STK3: variants seen among roughly 807,000 people sequenced by gnomAD.
STK3 encodes the protein serine/threonine kinase 3, also known as serine/threonine-protein kinase 3.
In STK3, 41 loss-of-function variants were observed where a neutral mutation model predicts 58.0. That is an observed-to-expected ratio of 0.71 (90% CI 0.55 to 0.92). The LOEUF (loss-of-function observed/expected upper bound fraction) is 0.92. Ranked by LOEUF, STK3 falls within the 40% of genes least tolerant of loss-of-function variation. The probability of loss-of-function intolerance (pLI) is 0.00; values close to 1 mark genes in which losing one functional copy is unlikely to be tolerated. For missense variants in STK3, 479 were observed against 602.7 expected (o/e 0.79, Z 2.15); for synonymous variants, 170 against 191.0 (o/e 0.89, Z 0.91).
At chr8:98,495,492 A>T (rs1342560139) in intron 10 of STK3, among the ~76,000 whole-genome samples, 1 of 152,152 alleles carries the variant, frequency 6.6e-6, no homozygotes, top group Non-Finnish European at 1.5e-5. Context: ...GAGTCTCACT[A>T]GAGATGGATA....
chr8:98,639,986 C>A (rs1423475148), intron 6 of STK3, among the ~76,000 whole-genome samples: 1 of 152,132 alleles, frequency 6.6e-6, no homozygotes, highest in African/African-American at 2.4e-5. Context: ...TGGTGTATGC[C>A]TGCAATCCCA....
intron 3 of STK3, among the ~76,000 whole-genome samples, chr8:98,858,400 C>T (rs897448920): frequency 7.0e-5 from 10 of 142,628 alleles, no homozygotes; most frequent in Non-Finnish European, 1.2e-4. Context: ...AACTCCTGAC[C>T]TCGTGATCCA....
intron 7 of STK3, among the ~76,000 whole-genome samples, chr8:98,586,385 A>G (rs1814596636): frequency 6.6e-6 from 1 of 151,502 alleles, no homozygotes; most frequent in South Asian, 2.1e-4. Context: ...CTCTGTTTAT[A>G]TGCTGGATTA....
At chr8:98,486,159 A>G (rs1032265023) in intron 10 of STK3, among the ~76,000 whole-genome samples, 3 of 152,216 alleles carry the variant, frequency 2.0e-5, no homozygotes, top group Non-Finnish European at 4.4e-5. Context: ...AGCTCCTTTA[A>G]CATATAGTTT....
chr8:98,363,770 C>T, the STK3 span, among the ~76,000 whole-genome samples: 1 of 152,204 alleles, frequency 6.6e-6, no homozygotes, highest in African/African-American at 2.4e-5. Flanking sequence ...CATCTCATCC[C>T]TCCCTGACTT....
intron 6 of STK3, among the ~76,000 whole-genome samples, chr8:98,686,453 G>C (rs945999683): frequency 3.3e-5 from 5 of 152,136 alleles, no homozygotes; most frequent in Admixed American, 2.6e-4. Context: ...ACATGGGACT[G>C]TCCCATCATG....
Position 98,545,838 on chromosome 8 carries a change from T to G in STK3, c.1141+2131A>C, listed in dbSNP as rs140589009. Among the ~76,000 whole-genome samples, 843 of 152,164 alleles carry G rather than the reference T, an allele frequency of 5.5e-3. 9 individuals carry two copies. Among genetic ancestry groups the G allele is most frequent in the African/African-American group, 0.02 (812 of 41,522 alleles). On this transcript the variant is annotated intron_variant, in intron 9 of 10. Coordinates refer to ENST00000419617, the MANE Select transcript of STK3 (RefSeq NM_006281.4). ...AAGCTGAGACCTCATACCAACTAAT[T>G]TAAGAAGTTTTAAAGATTTAGATCA...
At chr8:98,422,456 A>C (rs1655162325) in intron 3 of STK3, among the ~76,000 whole-genome samples, 1 of 152,130 alleles carries the variant, frequency 6.6e-6, no homozygotes, top group Non-Finnish European at 1.5e-5. Flanking sequence ...CCACCCAGAC[A>C]GGCTGGCTAG....
intron 4 of STK3, among the ~76,000 whole-genome samples, chr8:98,743,697 A>G (rs1403499549): frequency 3.5e-4 from 54 of 152,182 alleles, no homozygotes; most frequent in East Asian, 2.5e-3. Flanking sequence ...TGTCTAAAAC[A>G]CCAAAAGCAA....
chr8:98,599,215 AG>A (rs1377367605), intron 6 of STK3, among the ~76,000 whole-genome samples: 2 of 152,388 alleles, frequency 1.3e-5, no homozygotes, highest in East Asian at 3.9e-4. Flanking sequence ...ACTATAAAGA[AG>A]TAAACAAATA....
chr8:98,733,617 C>G (rs1196561482), intron 4 of STK3, among the ~76,000 whole-genome samples: 4 of 152,224 alleles, frequency 2.6e-5, no homozygotes, highest in Non-Finnish European at 5.9e-5. Context: ...CTAACGGATT[C>G]TCTCACCAAT....
chr8:98,715,725 G>T (rs375949786), intron 4 of STK3, among the ~76,000 whole-genome samples: 1 of 152,134 alleles, frequency 6.6e-6, no homozygotes, highest in East Asian at 1.9e-4. Flanking sequence ...TCGGTGTGGC[G>T]ATTCCTCAGG....
intron 4 of STK3, among the ~76,000 whole-genome samples, chr8:98,748,428 G>A (rs1344669258): frequency 1.3e-5 from 2 of 151,636 alleles, no homozygotes; most frequent in African/African-American, 4.8e-5. Flanking sequence ...CTCTAACAGG[G>A]AAAAAAAATT....
intron 3 of STK3, among the ~76,000 whole-genome samples, chr8:98,871,647 T>A (rs1487364525): frequency 6.6e-6 from 1 of 151,418 alleles, no homozygotes; most frequent in Non-Finnish European, 1.5e-5. Flanking sequence ...TCTGTTTGTC[T>A]GTTATTGGTG....
At chr8:98,355,518 C>T in the STK3 span, among the ~76,000 whole-genome samples, 1 of 152,200 alleles carries the variant, frequency 6.6e-6, no homozygotes, top group Admixed American at 6.5e-5. Context: ...TACATGATAG[C>T]AACTGCTGGG....
intron 6 of STK3, among the ~76,000 whole-genome samples, chr8:98,600,999 T>C (rs1467788529): frequency 1.3e-5 from 2 of 152,166 alleles, no homozygotes; most frequent in African/African-American, 2.4e-5. Context: ...TAAGTGTCTT[T>C]AAAATTTATT....
chr8:98,671,080 A>C (rs1421269047), intron 6 of STK3, among the ~76,000 whole-genome samples: 1 of 152,256 alleles, frequency 6.6e-6, no homozygotes, highest in Non-Finnish European at 1.5e-5. Flanking sequence ...GTTAAAGGAA[A>C]AGTCAATATA....
At chr8:98,525,239 A>G (rs1296120983) in intron 10 of STK3, among the ~76,000 whole-genome samples, 1 of 152,224 alleles carries the variant, frequency 6.6e-6, no homozygotes, top group Non-Finnish European at 1.5e-5. Flanking sequence ...ACGGACACAG[A>G]GTGCGGAATA....
At chr8:98,522,311 T>C (rs531311056) in intron 10 of STK3, among the ~76,000 whole-genome samples, 89 of 152,310 alleles carry the variant, frequency 5.8e-4, no homozygotes, top group African/African-American at 2.0e-3. Flanking sequence ...AACATTCTAA[T>C]TTCTGTTGAA....
Sources: allele counts gnomAD v4.1 joint callset (sites outside exome capture counted in the v4.1 genomes callset), GRCh38; gene constraint gnomAD v4.1.1; transcripts MANE v1.5; gene names NCBI Gene and HGNC (gene_info 2026-07-23, HGNC 2026-07-21).